Variants in PCDH11X observed in about 807,000 individuals in gnomAD.
PCDH11X encodes protocadherin-11 X-linked.
Under a neutral mutation model 53.3 loss-of-function variants are expected in PCDH11X, and 18 were observed. The ratio of observed to expected loss-of-function variants is 0.34; its 90% CI spans 0.23 to 0.50. The LOEUF is 0.50. Among genes scored for constraint, PCDH11X ranks in the 20% least tolerant of loss-of-function variants. The pLI, the probability that PCDH11X is intolerant of heterozygous loss-of-function variation, is 0.98. For missense variants in PCDH11X, 570 were observed against 1,032.4 expected (o/e 0.55, Z 6.14); for synonymous variants, 279 against 393.3 (o/e 0.71, Z 3.44).
At chrX:92,222,616 A>G (rs2066903080) in intron 7 of PCDH11X, among the ~76,000 whole-genome samples, 1 of 112,029 alleles carries the variant, frequency 8.9e-6, no homozygotes, top group Admixed American at 9.5e-5. Context: ...CTTTCCACTC[A>G]TATTGATACT....
At chrX:92,167,229 CAG>C (rs1270318407) in intron 6 of PCDH11X, among the ~76,000 whole-genome samples, 1 of 111,053 alleles carries the variant, frequency 9.0e-6, no homozygotes, top group Non-Finnish European at 1.9e-5. Flanking sequence ...ATATTGCTGA[CAG>C]GGAATCTTCT....
At chrX:92,072,368 G>T (rs1248913301) in intron 6 of PCDH11X, among the ~76,000 whole-genome samples, 1 of 110,857 alleles carries the variant, frequency 9.0e-6, no homozygotes, top group Non-Finnish European at 1.9e-5. Flanking sequence ...AAGGAGTTTT[G>T]CCCTATAACC....
rs3865918 is a variant in PCDH11X at position 92,042,634 on chromosome X, CTTT to C, written c.3034-158721_3034-158719del. 2.2e-4 allele frequency among the ~76,000 whole-genome samples: 13 copies of C among 59,170 alleles called. No individual in the cohort carries two copies. The East Asian group carries it at 3.8e-3, about 17-fold the overall frequency. The allele number at this position is 59,170 out of a possible 115,157, so 51.4% of individuals were successfully genotyped here. On this transcript the variant is annotated intron_variant, in intron 6 of 10. Transcript: ENST00000682573. ...AGCTCAGGAAGCTATAAAGTTGTTG[CTTT>C]TTTTTTTTTTTTTTTTTTTGAGAGG...
chrX:92,129,302 A>G (rs1445761556), intron 6 of PCDH11X, among the ~76,000 whole-genome samples: 1 of 110,479 alleles, frequency 9.1e-6, no homozygotes, highest in African/African-American at 3.3e-5. Context: ...GAGGCAGGAG[A>G]ATTGCTTGAA....
intron 6 of PCDH11X, among the ~76,000 whole-genome samples, chrX:92,119,557 A>G (rs1210042703): frequency 3.6e-5 from 4 of 111,597 alleles, no homozygotes; most frequent in Non-Finnish European, 7.5e-5. Context: ...AAAGATAGGA[A>G]ATTGAAAAAA....
intron 6 of PCDH11X, among the ~76,000 whole-genome samples, chrX:91,942,275 T>C (rs1182865003): frequency 9.0e-6 from 1 of 110,500 alleles, no homozygotes; most frequent in East Asian, 2.9e-4. Context: ...CAAAGGTTCA[T>C]TGTCTTTGAA....
intron 10 of PCDH11X, among the ~76,000 whole-genome samples, chrX:92,561,647 C>T (rs185001946): frequency 9.1e-6 from 1 of 109,798 alleles, no homozygotes; most frequent in East Asian, 2.9e-4. Flanking sequence ...AGCATCACTA[C>T]AGTATCTAGA....
chrX:92,004,179 A>G (rs1463519258), intron 6 of PCDH11X, among the ~76,000 whole-genome samples: 1 of 111,701 alleles, frequency 9.0e-6, no homozygotes, highest in African/African-American at 3.2e-5. Context: ...ATTTCCATTT[A>G]TTTATATAGG....
chrX:92,188,067 C>A (rs1302779107), intron 6 of PCDH11X, among the ~76,000 whole-genome samples: 1 of 111,271 alleles, frequency 9.0e-6, no homozygotes, highest in Admixed American at 9.6e-5. Context: ...GCATCTCTAC[C>A]CATTGAAGAG....
chrX:92,176,581 T>C (rs1020046660), intron 6 of PCDH11X, among the ~76,000 whole-genome samples: 1 of 111,984 alleles, frequency 8.9e-6, no homozygotes, highest in Non-Finnish European at 1.9e-5. Context: ...TAACTCAAAC[T>C]GTCAAATAAT....
chrX:92,281,796 G>A (rs1465228312), intron 8 of PCDH11X, among the ~76,000 whole-genome samples: 1 of 111,163 alleles, frequency 9.0e-6, no homozygotes, highest in Non-Finnish European at 1.9e-5. Context: ...GACTAATTTG[G>A]TAGCAGAATA....
At chrX:92,201,326 T>C (rs764150164) in intron 6 of PCDH11X, 49 bp from the exon 7 acceptor site, 2 of 1,172,163 alleles carry the variant, frequency 1.7e-6, no homozygotes, top group Admixed American at 2.4e-5. Context: ...CTGTGTATTT[T>C]ACTTTTAACA....
At chrX:92,101,874 G>T (rs911882056) in intron 6 of PCDH11X, among the ~76,000 whole-genome samples, 4 of 111,036 alleles carry the variant, frequency 3.6e-5, no homozygotes, top group Non-Finnish European at 7.5e-5. Flanking sequence ...TTATTTCCTT[G>T]AGGATAGATT....
At chrX:92,216,962 A>C (rs1036224401) in intron 7 of PCDH11X, among the ~76,000 whole-genome samples, 2 of 109,598 alleles carry the variant, frequency 1.8e-5, no homozygotes, top group African/African-American at 6.7e-5. Flanking sequence ...AAGCTTCATA[A>C]GTGAAGGAGA....
intron 6 of PCDH11X, among the ~76,000 whole-genome samples, chrX:92,171,940 C>T (rs1410741735): frequency 9.0e-5 from 10 of 111,359 alleles, no homozygotes; most frequent in African/African-American, 3.3e-4. Context: ...TCTTTTATTA[C>T]ATTCATTCCT....
chrX:91,995,499 G>A (rs2062401106), intron 6 of PCDH11X, among the ~76,000 whole-genome samples: 1 of 111,285 alleles, frequency 9.0e-6, no homozygotes, highest in South Asian at 3.7e-4. Context: ...CTGTCTATGT[G>A]TGGGTTTATT....
In PCDH11X at chrX:91,907,401, A is replaced by ACACACC. The variant is rs1556332874; in HGVS notation, c.3033+28133_3033+28134insCCACAC. On this transcript the variant is annotated intron_variant, in intron 6 of 10. Coordinates refer to ENST00000682573, the MANE Select transcript of PCDH11X (RefSeq NM_032968.5). The stretch of plus-strand genomic sequence containing the variant: ...CACACACACACACACACACACACAC[A>ACACACC]CACACACACACAGAGAGAGAGAGAG... 5.8e-3 allele frequency among the ~76,000 whole-genome samples: 331 copies of ACACACC among 57,174 alleles called. 7 individuals carry two copies. The highest frequency in any genetic ancestry group is 0.01 in the Admixed American group (29 of 2,766). 49.6% of individuals were successfully genotyped at this position (57,174 alleles called of 115,157 possible).
At chrX:92,592,546 A>G (rs1202094648) in intron 10 of PCDH11X, among the ~76,000 whole-genome samples, 8 of 108,880 alleles carry the variant, frequency 7.3e-5, no homozygotes, top group Non-Finnish European at 1.1e-4. Context: ...CCTGGCTAAC[A>G]TGGTGAAACC....
chrX:92,165,641 G>C (rs1469759708), intron 6 of PCDH11X, among the ~76,000 whole-genome samples: 1 of 111,600 alleles, frequency 9.0e-6, no homozygotes, highest in Admixed American at 9.6e-5. Context: ...ATTATGACCA[G>C]TGATATATGT....
Sources: gnomAD v4.1 joint callset for allele counts (sites outside exome capture counted in the v4.1 genomes callset) on GRCh38, gnomAD v4.1.1 for gene constraint, MANE v1.5 for transcripts, NCBI Gene and HGNC (gene_info 2026-07-23, HGNC 2026-07-21) for gene names.